The following TTC28 variants were observed in gnomAD, a reference collection of about 807,000 sequenced individuals.
The protein encoded by TTC28 is tetratricopeptide repeat protein 28.
In TTC28, 61 loss-of-function variants were observed where a neutral mutation model predicts 198.0. That is an observed-to-expected ratio of 0.31 (90% confidence interval 0.25 to 0.38). TTC28 has a LOEUF of 0.38. Ranked by LOEUF, TTC28 falls within the 10% of genes least tolerant of loss-of-function variation. TTC28 has a pLI of 1.00. For synonymous variants in TTC28, 1,171 were observed against 1,297.8 expected (o/e 0.90, Z 2.10); for missense variants, 2,678 against 3,164.0 (o/e 0.85, Z 3.69).
chr22:28,070,013 T>C (rs1743664050), intron 12 of TTC28, among the ~76,000 whole-genome samples: 2 of 151,700 alleles, frequency 1.3e-5, no homozygotes, highest in South Asian at 4.2e-4. Context: ...TTAACCCAGG[T>C]TGCTCATTCT....
intron 2 of TTC28, among the ~76,000 whole-genome samples, chr22:28,420,724 C>T (rs905046182): frequency 9.2e-5 from 14 of 152,044 alleles, no homozygotes; most frequent in African/African-American, 1.9e-4. Context: ...CTCTGCCTCC[C>T]GAGTAGCAGG....
intron 10 of TTC28, among the ~76,000 whole-genome samples, chr22:28,098,079 C>T (rs908024987): frequency 7.2e-5 from 11 of 152,240 alleles, no homozygotes; most frequent in East Asian, 1.9e-4. Flanking sequence ...AGGCAGATGA[C>T]GGAGAGCTGG....
intron 2 of TTC28, among the ~76,000 whole-genome samples, chr22:28,468,283 C>A (rs1486233318): frequency 6.6e-6 from 1 of 152,132 alleles, no homozygotes; most frequent in African/African-American, 2.4e-5. Flanking sequence ...AGGAGGGGAT[C>A]TTCAAGTTCA....
At chr22:28,182,354 T>A (rs952881468) in intron 5 of TTC28, among the ~76,000 whole-genome samples, 3 of 152,160 alleles carry the variant, frequency 2.0e-5, no homozygotes, top group African/African-American at 2.4e-5. Flanking sequence ...GGGGTTGGAA[T>A]GTAGTCGATC....
intron 6 of TTC28, among the ~76,000 whole-genome samples, chr22:28,133,794 G>A (rs146311092): frequency 0.056 from 8,467 of 152,326 alleles, 352 homozygotes; most frequent in Admixed American, 0.12. Context: ...GCAGGGCATA[G>A]CCAAACAAAA....
At chr22:28,553,668 C>T (rs1304966967) in intron 2 of TTC28, among the ~76,000 whole-genome samples, 3 of 151,700 alleles carry the variant, frequency 2.0e-5, no homozygotes, top group Non-Finnish European at 2.9e-5. Flanking sequence ...GGTCAGCCCC[C>T]GCGCCAGGCC....
chr22:28,395,605 A>G, intron 2 of TTC28, among the ~76,000 whole-genome samples: 1 of 137,184 alleles, frequency 7.3e-6, no homozygotes, highest in African/African-American at 2.8e-5. Context: ...ACAGAGCAAG[A>G]GTCCGTCTCA....
intron 2 of TTC28, among the ~76,000 whole-genome samples, chr22:28,554,071 T>TA (rs1436470889): frequency 7.9e-5 from 12 of 152,104 alleles, no homozygotes; most frequent in African/African-American, 2.9e-4. Flanking sequence ...TCTGTGACCT[T>TA]ACCCCCAACC....
intron 6 of TTC28, among the ~76,000 whole-genome samples, chr22:28,134,773 T>C (rs1334849113): frequency 6.6e-6 from 1 of 152,236 alleles, no homozygotes; most frequent in Non-Finnish European, 1.5e-5. Flanking sequence ...GAAAACACTC[T>C]GCAGGATATT....
intron 5 of TTC28, among the ~76,000 whole-genome samples, chr22:28,205,423 A>G (rs532090500): frequency 6.6e-6 from 1 of 152,278 alleles, no homozygotes; most frequent in African/African-American, 2.4e-5. Flanking sequence ...CCTGAAGCCC[A>G]GACTACAATT....
chr22:28,315,789 CA>C (rs2045342369), intron 2 of TTC28, among the ~76,000 whole-genome samples: 1 of 152,108 alleles, frequency 6.6e-6, no homozygotes, highest in African/African-American at 2.4e-5. Context: ...CAATGCACCA[CA>C]ATGTAGCAGT....
intron 2 of TTC28, among the ~76,000 whole-genome samples, chr22:28,441,005 G>T (rs1346684400): frequency 6.6e-6 from 1 of 152,178 alleles, no homozygotes; most frequent in Non-Finnish European, 1.5e-5. Flanking sequence ...ACAACATGAT[G>T]ATATGAGATT....
chr22:28,571,440 T>C (rs1216988782), intron 2 of TTC28, among the ~76,000 whole-genome samples: 1 of 152,164 alleles, frequency 6.6e-6, no homozygotes, highest in Non-Finnish European at 1.5e-5. Context: ...TTTACTTTGC[T>C]CTCAAATCAA....
At chr22:28,132,042 C>G (rs1001690709) in intron 6 of TTC28, among the ~76,000 whole-genome samples, 1 of 152,034 alleles carries the variant, frequency 6.6e-6, no homozygotes, top group Non-Finnish European at 1.5e-5. Context: ...GTTGTGATAC[C>G]TTGTTGACCA....
chr22:28,105,885 T>C, intron 7 of TTC28, 83 bp from the exon 8 acceptor site: 1 of 1,424,244 alleles, frequency 7.0e-7, no homozygotes, highest in Non-Finnish European at 9.2e-7. Context: ...ATGAAAAGCA[T>C]TTGTCACTGT....
At chr22:28,260,886 A>G (rs188236180) in intron 5 of TTC28, among the ~76,000 whole-genome samples, 2 of 152,266 alleles carry the variant, frequency 1.3e-5, no homozygotes, top group Non-Finnish European at 2.9e-5. Flanking sequence ...ATAGCACAGT[A>G]AGATATGCAC....
chr22:28,397,449 T>C (rs2046835733), intron 2 of TTC28, among the ~76,000 whole-genome samples: 1 of 152,240 alleles, frequency 6.6e-6, no homozygotes, highest in Admixed American at 6.5e-5. Context: ...CTGTATTTAA[T>C]GAAACCATAC....
At chr22:28,319,742 G>A (rs2045414117) in intron 2 of TTC28, among the ~76,000 whole-genome samples, 1 of 152,210 alleles carries the variant, frequency 6.6e-6, no homozygotes, top group East Asian at 1.9e-4. Flanking sequence ...TCTTCTTTCT[G>A]GTATAATGCT....
At chr22:28,070,636 G>T (rs924014587) in intron 12 of TTC28, among the ~76,000 whole-genome samples, 21 of 152,110 alleles carry the variant, frequency 1.4e-4, no homozygotes, top group African/African-American at 5.1e-4. Flanking sequence ...ACAAAAATTA[G>T]TTGGGCAAAA....
Sources: allele counts gnomAD v4.1 joint callset (sites outside exome capture counted in the v4.1 genomes callset), GRCh38; gene constraint gnomAD v4.1.1; transcripts MANE v1.5; gene names NCBI Gene and HGNC (gene_info 2026-07-23, HGNC 2026-07-21).